The following ECPAS variants were observed in gnomAD, a reference collection of about 807,000 sequenced individuals.
The protein encoded by ECPAS is proteasome adapter and scaffold protein ECM29.
ECPAS carries 70 observed loss-of-function variants against 255.1 expected under a neutral mutation model. That is an observed-to-expected ratio of 0.27 (90% confidence interval 0.23 to 0.33). The LOEUF (loss-of-function observed/expected upper bound fraction) is 0.33. Ranked by LOEUF, ECPAS falls within the 10% of genes least tolerant of loss-of-function variation. The pLI, the probability that ECPAS is intolerant of heterozygous loss-of-function variation, is 1.00. For missense variants in ECPAS, 1,817 were observed against 2,206.4 expected, an observed-to-expected ratio of 0.82 and a Z score of 3.54; for synonymous variants, 784 against 775.0, an observed-to-expected ratio of 1.01 and a Z score of -0.19.
At chr9:111,474,643 T>C (rs958863294) in intron 1 of ECPAS, among the ~76,000 whole-genome samples, 7 of 152,224 alleles carry the variant, frequency 4.6e-5, no homozygotes, top group Non-Finnish European at 8.8e-5. Flanking sequence ...TCCAAACTAG[T>C]TCTGTTGGCA....
In ECPAS at chr9:111,397,017, G is replaced by A; in HGVS notation, c.2776+13C>T. 4.3e-6 allele frequency: 7 copies of A among 1,613,814 alleles called. No homozygotes were observed. Among genetic ancestry groups the A allele is most frequent in the Non-Finnish European group, 5.9e-6 (7 of 1,179,748 alleles). On this transcript the variant is annotated intron_variant, in intron 25 of 49. Coordinates refer to ENST00000684092, the MANE Select transcript of ECPAS (RefSeq NM_001364929.1). ...CTTGATCATTATAAATCGATTAGCT[G>A]AATATTTGGTACCAGCAGGTGGAGT... is the stretch of plus-strand genomic sequence containing the variant.
chr9:111,371,905 AG>A, intron 42 of ECPAS, 76 bp from the exon 43 acceptor site: 1 of 1,138,660 alleles, frequency 8.8e-7, no homozygotes, highest in Non-Finnish European at 1.3e-6. Context: ...AAAAAAAGTC[AG>A]TGACCAACAG....
In ECPAS at chr9:111,434,830, T is replaced by G. The variant is rs181697793; in HGVS notation, c.709-1458A>C. On this transcript the variant is annotated intron_variant, in intron 7 of 49. Coordinates refer to ENST00000684092, the MANE Select transcript of ECPAS (RefSeq NM_001364929.1). ...TCAGGCTAGCCTCGAACTCCTGACC[T>G]CAAGCGATCTGCCCAACATGGCCTC... Among the ~76,000 whole-genome samples the G allele has an allele frequency of 1.7e-4, 26 of 149,850 alleles. No individual in the cohort carries two copies. In the East Asian group the frequency reaches 5.1e-3, roughly 30 times the overall value.
At chr9:111,446,676 T>C (rs1207562137) in intron 3 of ECPAS, among the ~76,000 whole-genome samples, 1 of 152,210 alleles carries the variant, frequency 6.6e-6, no homozygotes, top group Non-Finnish European at 1.5e-5. Context: ...CCTTATCTAA[T>C]ACGATTCTCA....
In ECPAS at chr9:111,472,542, G is replaced by C. The variant is rs558548506; in HGVS notation, c.22+355C>G. 6.6e-5 allele frequency among the ~76,000 whole-genome samples: 10 copies of C among 151,832 alleles called. No individual in the cohort carries two copies. The East Asian group carries it at 1.9e-3, about 29-fold the overall frequency. ...AGTCCCAGCTACTCGGTGGGGCTGA[G>C]GCAGGAGGATCACTTGAGCCTTGGG... is the stretch of plus-strand genomic sequence containing the variant. On this transcript the variant is annotated intron_variant, in intron 2 of 49. Transcript: ENST00000684092.
chr9:111,472,742 T>C (rs1025987332), intron 2 of ECPAS, among the ~76,000 whole-genome samples, 155 bp downstream of exon 2: 6 of 151,634 alleles, frequency 4.0e-5, no homozygotes, highest in African/African-American at 1.5e-4. Context: ...CATTTGTAAA[T>C]TAACATGAAC....
intron 8 of ECPAS, among the ~76,000 whole-genome samples, chr9:111,431,950 T>C (rs1448017277): frequency 2.0e-5 from 3 of 152,196 alleles, no homozygotes; most frequent in African/African-American, 7.2e-5. Flanking sequence ...TCATAATACT[T>C]GTGGTTTAGA....
intron 39 of ECPAS, 132 bp downstream of exon 39, chr9:111,373,840 G>A: frequency 1.5e-6 from 1 of 668,538 alleles, no homozygotes; most frequent in East Asian, 2.6e-5. Context: ...GAAGGAGTCA[G>A]GGGACTGAGG....
In ECPAS at chr9:111,468,614, G is replaced by A. The variant is rs957455962; in HGVS notation, c.22+4283C>T. ...TTTTCCTAGGACATACCAATTCTGG[G>A]CAAAGAGAGTGAGTGAGAGAGAGAG... is the stretch of plus-strand genomic sequence containing the variant. On this transcript the variant is annotated intron_variant, in intron 2 of 49. Transcript: ENST00000684092. Among the ~76,000 whole-genome samples the A allele has an allele frequency of 2.0e-5, 3 of 149,622 alleles. No individual in the cohort carries two copies. In the Admixed American group the frequency reaches 2.0e-4, roughly 10 times the overall value.
At position 111,423,266 on chromosome 9, in the gene ECPAS, AAAAG is replaced by A. The variant is rs2098216846; in HGVS notation, c.1216-22_1216-19del. ...TTAGGGTCCTTGAAATTAAAAAAAGAAAAGAAAGAAAAGAAAGAACAAAAAACAG... is the reference window on the plus strand; with the variant it reads ...TTAGGGTCCTTGAAATTAAAAAAAGAAAAGAAAAGAAAGAACAAAAAACAG... On this transcript the variant is annotated intron_variant, in intron 12 of 49. Transcript: ENST00000684092. 8 of 1,480,308 alleles carry A rather than the reference AAAAG, an allele frequency of 5.4e-6. No homozygotes were observed. The highest frequency in any genetic ancestry group is 1.4e-5 in the African/African-American group (1 of 70,538). The allele number at this position is 1,480,308 out of a possible 1,614,324, so 91.7% of individuals were successfully genotyped here.
intron 29 of ECPAS, among the ~76,000 whole-genome samples, chr9:111,391,485 G>A (rs1430703608): frequency 6.6e-6 from 1 of 151,770 alleles, no homozygotes; most frequent in East Asian, 1.9e-4. Flanking sequence ...GCTGAGGTAG[G>A]AGAATCTATC....
chr9:111,361,845 T>C lies in ECPAS; in HGVS notation c.*185A>G. 1.6e-6 allele frequency: 1 copy of C among 634,716 alleles called. No individual in the cohort carries two copies. Among genetic ancestry groups the C allele is most frequent in the Non-Finnish European group, 2.5e-6 (1 of 403,844 alleles). The allele number at this position is 634,716 out of a possible 1,614,324, so 39.3% of individuals were successfully genotyped here. ...CATTAAGCTCACTCAGCCCAGATAC[T>C]TTAAAAACATAAAGTAAAATAAAGC... On this transcript the variant is annotated 3_prime_UTR_variant, in exon 50 of 50. Coordinates refer to ENST00000684092, the MANE Select transcript of ECPAS (RefSeq NM_001364929.1).
At chr9:111,402,069 A>G (rs1428654616) in intron 24 of ECPAS, among the ~76,000 whole-genome samples, 1 of 152,256 alleles carries the variant, frequency 6.6e-6, no homozygotes, top group Non-Finnish European at 1.5e-5. Context: ...AAGAGGATTG[A>G]TTGAGGAAGT....
intron 1 of ECPAS, among the ~76,000 whole-genome samples, chr9:111,482,928 C>A (rs941461605): frequency 6.6e-6 from 1 of 152,196 alleles, no homozygotes; most frequent in Non-Finnish European, 1.5e-5. Flanking sequence ...GGCACTAACT[C>A]TCCTTTCTGA....
chr9:111,440,654 T>C lies in ECPAS; in HGVS notation c.390-133A>G, dbSNP rs549401805. On this transcript the variant is annotated intron_variant, in intron 5 of 49. Coordinates refer to ENST00000684092, the MANE Select transcript of ECPAS (RefSeq NM_001364929.1). ...AAGAGACATTCCTTTTCAACACTAC[T>C]AATTTACAAAGTCCTAATCTAGGGA... 16 of 639,830 alleles carry C rather than the reference T, an allele frequency of 2.5e-5. No homozygotes were observed. The South Asian group carries it at 3.1e-4, about 12-fold the overall frequency. The allele number at this position is 639,830 out of a possible 1,614,324, so 39.6% of individuals were successfully genotyped here. A position where few individuals can be genotyped will look rare whatever the true frequency, so the allele number is the denominator to read the frequency against.
intron 1 of ECPAS, among the ~76,000 whole-genome samples, chr9:111,475,996 T>C (rs187271794): frequency 5.6e-4 from 85 of 152,228 alleles, no homozygotes; most frequent in Non-Finnish European, 1.1e-3. Context: ...GCTTCCCAAA[T>C]CTCATCCTCT....
At chr9:111,407,428 A>AAAAAAAAAAACAAAAAAG (rs2098186510) in intron 24 of ECPAS, among the ~76,000 whole-genome samples, 1 of 98,726 alleles carries the variant, frequency 1.0e-5, no homozygotes, top group African/African-American at 3.0e-5. Context: ...AAAAAAAAAA[A>AAAAAAAAAAACAAAAAAG]AAAAAAAAAA....
intron 5 of ECPAS, among the ~76,000 whole-genome samples, chr9:111,441,567 T>C (rs1406499666): frequency 2.6e-5 from 4 of 152,196 alleles, no homozygotes; most frequent in African/African-American, 9.7e-5. Flanking sequence ...ATCATATTAA[T>C]ATTTTGAATA....
chr9:111,391,891 A>C, intron 28 of ECPAS, 67 bp from the exon 29 acceptor site: 1 of 1,010,324 alleles, frequency 9.9e-7, no homozygotes, highest in Non-Finnish European at 1.5e-6. Context: ...AGCCAATACG[A>C]TTCATTTACA....
Sources: allele counts gnomAD v4.1 joint callset (sites outside exome capture counted in the v4.1 genomes callset), GRCh38; gene constraint gnomAD v4.1.1; transcripts MANE v1.5; gene names NCBI Gene and HGNC (gene_info 2026-07-23, HGNC 2026-07-21).